Variants in CERS3 observed in about 807,000 individuals in gnomAD.
CERS3 encodes the protein ceramide synthase 3, also known as LAG1 homolog, ceramide synthase 3.
CERS3 carries 33 observed loss-of-function variants against 50.3 expected under a neutral mutation model. The ratio of observed to expected loss-of-function variants is 0.66; its 90% CI spans 0.50 to 0.88. The LOEUF is 0.88. Ranked by LOEUF, CERS3 falls within the 40% of genes least tolerant of loss-of-function variation. The pLI, the probability that CERS3 is intolerant of heterozygous loss-of-function variation, is 0.00. For missense variants in CERS3, 470 were observed against 460.3 expected (o/e 1.02, Z -0.19); for synonymous variants, 176 against 155.2 (o/e 1.13, Z -0.99).
chr15:100,503,663 A>G (rs1415776369), intron 2 of CERS3: 3 of 470,420 alleles, frequency 6.4e-6, no homozygotes, highest in Admixed American at 4.7e-5. Flanking sequence ...TGGAATGAGG[A>G]CTGGATTTCA....
intron 2 of CERS3, among the ~76,000 whole-genome samples, chr15:100,517,973 T>C (rs2036538244): frequency 6.6e-6 from 1 of 152,180 alleles, no homozygotes. Flanking sequence ...TAGGCACCTG[T>C]TGGAATAGTT....
At position 100,506,418 on chromosome 15, in the gene CERS3, A is replaced by T. The variant is rs577702027; in HGVS notation, c.-1-4568T>A. On this transcript the variant is annotated intron_variant, in intron 2 of 11. Transcript: ENST00000679737. ...GAGGCCCTTCACACCCATAGCTGCC[A>T]TCCAACAGATCACAAGTGCTGACGG... Among the ~76,000 whole-genome samples the T allele has an allele frequency of 5.5e-4, 83 of 151,724 alleles. 1 individual carries two copies. Among genetic ancestry groups the T allele is most frequent in the African/African-American group, 1.9e-3 (80 of 41,370 alleles).
chr15:100,419,477 A>G, intron 11 of CERS3, among the ~76,000 whole-genome samples: 1 of 141,368 alleles, frequency 7.1e-6, no homozygotes. Flanking sequence ...CCACACATTA[A>G]TAATGGGAGA....
At chr15:100,447,035 T>C (rs1015729451) in intron 11 of CERS3, among the ~76,000 whole-genome samples, 1 of 152,238 alleles carries the variant, frequency 6.6e-6, no homozygotes, top group African/African-American at 2.4e-5. Flanking sequence ...ATTCCTTTGA[T>C]ATAGTTTGAA....
At chr15:100,542,822 C>A in intron 1 of CERS3, among the ~76,000 whole-genome samples, 1 of 152,154 alleles carries the variant, frequency 6.6e-6, no homozygotes, top group East Asian at 1.9e-4. Context: ...TATATATACA[C>A]ATGTATATAA....
At chr15:100,461,180 C>T (rs900922395) in intron 10 of CERS3, among the ~76,000 whole-genome samples, 1 of 152,120 alleles carries the variant, frequency 6.6e-6, no homozygotes, top group Non-Finnish European at 1.5e-5. Flanking sequence ...AGGCTCAACA[C>T]CACTAATTTC....
At chr15:100,483,785 T>TTTG in intron 5 of CERS3, among the ~76,000 whole-genome samples, 2 of 61,186 alleles carry the variant, frequency 3.3e-5, no homozygotes, top group Non-Finnish European at 5.8e-5. Context: ...ATTATTATTA[T>TTTG]TATTTTTTTT....
intron 10 of CERS3, among the ~76,000 whole-genome samples, chr15:100,465,949 G>A (rs192019138): frequency 1.3e-4 from 20 of 152,220 alleles, no homozygotes; most frequent in Middle Eastern, 3.4e-3. Context: ...GTGAGCTACC[G>A]TGCCTGGCCT....
At chr15:100,458,837 C>T (rs987457896) in intron 10 of CERS3, among the ~76,000 whole-genome samples, 2 of 152,006 alleles carry the variant, frequency 1.3e-5, no homozygotes, top group East Asian at 3.9e-4. Context: ...ATTTTTGTAC[C>T]CTACTTTTTT....
chr15:100,412,870 TAGAC>T (rs1189478892), intron 11 of CERS3, among the ~76,000 whole-genome samples: 4 of 152,196 alleles, frequency 2.6e-5, no homozygotes, highest in Admixed American at 2.0e-4. Flanking sequence ...GTTTTCATGT[TAGAC>T]AGACTCCGGA....
intron 11 of CERS3, among the ~76,000 whole-genome samples, chr15:100,431,572 T>C (rs1355258988): frequency 2.0e-5 from 3 of 152,074 alleles, no homozygotes; most frequent in Admixed American, 2.0e-4. Context: ...TAGGGAAGAG[T>C]ATAGTGATCT....
chr15:100,402,688 C>T lies in CERS3; in HGVS notation c.*25G>A. On this transcript the variant is annotated 3_prime_UTR_variant, in exon 12 of 12. Transcript: ENST00000679737. ...CCAACAGTACTTGCAGCATGCTGTG[C>T]CATGGGAGTCCTGTAGGCTTCCAGC... 1 of 1,610,454 alleles carries T rather than the reference C, an allele frequency of 6.2e-7. No individual in the cohort carries two copies. The highest frequency in any genetic ancestry group is 8.5e-7 in the Non-Finnish European group (1 of 1,178,584).
chr15:100,406,959 AG>A lies in CERS3; in HGVS notation c.1000-4095del, dbSNP rs1479017676. Among the ~76,000 whole-genome samples, 3 of 152,208 alleles carry A rather than the reference AG, an allele frequency of 2.0e-5. 1 individual carries two copies. The highest frequency in any genetic ancestry group is 4.4e-5 in the Non-Finnish European group (3 of 68,038). On this transcript the variant is annotated intron_variant, in intron 11 of 11. Transcript: ENST00000679737. ...GCAAAGAGAGAGAGAGAGCTTGTGCAGGGGAACTCCTCTTTTTGACACCATC... is the reference window on the plus strand; with the variant it reads ...GCAAAGAGAGAGAGAGAGCTTGTGCAGGGAACTCCTCTTTTTGACACCATC...
chr15:100,429,031 A>C (rs916880975), intron 11 of CERS3, among the ~76,000 whole-genome samples: 1 of 152,216 alleles, frequency 6.6e-6, no homozygotes, highest in Admixed American at 6.5e-5. Context: ...AATGCTGAGA[A>C]AGGCAGGGCC....
chr15:100,487,036 T>G (rs888416909), intron 4 of CERS3, among the ~76,000 whole-genome samples: 1 of 152,190 alleles, frequency 6.6e-6, no homozygotes, highest in African/African-American at 2.4e-5. Context: ...TTGTCAATAC[T>G]GGCCTCATGC....
intron 11 of CERS3, among the ~76,000 whole-genome samples, chr15:100,432,086 A>G (rs2033165445): frequency 6.6e-6 from 1 of 150,472 alleles, no homozygotes; most frequent in Non-Finnish European, 1.5e-5. Context: ...TTTTTTTAAG[A>G]GACAGGGTCT....
At chr15:100,442,523 G>C (rs1430130179) in intron 11 of CERS3, among the ~76,000 whole-genome samples, 2 of 152,192 alleles carry the variant, frequency 1.3e-5, no homozygotes, top group African/African-American at 4.8e-5. Flanking sequence ...GCAGCGGCCA[G>C]GCATTCCTCC....
chr15:100,492,029 AT>A (rs1405738742), intron 3 of CERS3, among the ~76,000 whole-genome samples: 1 of 151,834 alleles, frequency 6.6e-6, no homozygotes, highest in Non-Finnish European at 1.5e-5. Flanking sequence ...CCTGGCTGTT[AT>A]TGATTTCTAA....
At chr15:100,447,969 TTTG>T (rs2142173421) in intron 11 of CERS3, among the ~76,000 whole-genome samples, 1 of 152,320 alleles carries the variant, frequency 6.6e-6, no homozygotes, top group Non-Finnish European at 1.5e-5. Context: ...GTCTAATCAA[TTTG>T]TTATTATTTA....
Sources: allele counts gnomAD v4.1 joint callset (sites outside exome capture counted in the v4.1 genomes callset), GRCh38; gene constraint gnomAD v4.1.1; transcripts MANE v1.5; gene names NCBI Gene and HGNC (gene_info 2026-07-23, HGNC 2026-07-21).